SUPT3H: variants seen among roughly 807,000 people sequenced by gnomAD.
The protein encoded by SUPT3H is SPT3 homolog, SAGA and STAGA complex component.
A neutral mutation model predicts 44.3 loss-of-function variants in SUPT3H; 44 were observed. The observed-to-expected ratio is 0.99, with a 90% CI of 0.78 to 1.28. The LOEUF (loss-of-function observed/expected upper bound fraction) is 1.28, where lower values mean the gene tolerates loss of function less well. Among genes scored for constraint, SUPT3H ranks in the 50% most tolerant of loss-of-function variants. SUPT3H has a pLI of 0.00. For missense variants in SUPT3H, 380 were observed against 387.1 expected (o/e 0.98, Z 0.15); for synonymous variants, 124 against 125.6 (o/e 0.99, Z 0.09).
In SUPT3H at chr6:45,305,986, T is replaced by C. The variant is rs114821689; in HGVS notation, c.101+59215A>G. Among the ~76,000 whole-genome samples the C allele has an allele frequency of 5.3e-3, 806 of 152,374 alleles. 4 individuals are homozygous for C. Among genetic ancestry groups the C allele is most frequent in the Non-Finnish European group, 7.2e-3 (489 of 68,038 alleles). ...ACCTAGGAGCCTCTCTAATTCTGCA[T>C]ATACCTGTACTCCCAATTCTCATCT... is the stretch of plus-strand genomic sequence containing the variant. On this transcript the variant is annotated intron_variant, in intron 2 of 10. Coordinates refer to ENST00000371459, the MANE Select transcript of SUPT3H (RefSeq NM_003599.4).
intron 2 of SUPT3H, among the ~76,000 whole-genome samples, chr6:45,286,200 T>A (rs1779231454): frequency 6.6e-6 from 1 of 151,354 alleles, no homozygotes; most frequent in African/African-American, 2.4e-5. Flanking sequence ...GGACTTCATG[T>A]CTAAAACACC....
At chr6:45,329,250 T>C (rs114414163) in intron 2 of SUPT3H, among the ~76,000 whole-genome samples, 2,659 of 152,074 alleles carry the variant, frequency 0.017, 50 homozygotes, top group South Asian at 0.085. Context: ...CTACCATGTA[T>C]AACACAGAAA....
intron 2 of SUPT3H, among the ~76,000 whole-genome samples, chr6:45,320,031 GGGTGACACAATATAAT>G (rs1161708200): frequency 6.6e-6 from 1 of 152,008 alleles, no homozygotes; most frequent in Non-Finnish European, 1.5e-5. Context: ...AAGGACTTTA[GGGTGACACAATATAAT>G]GATTATATGA....
intron 9 of SUPT3H, among the ~76,000 whole-genome samples, chr6:44,951,168 TATC>T (rs1379513929): frequency 6.6e-6 from 1 of 151,958 alleles, no homozygotes; most frequent in Non-Finnish European, 1.5e-5. Context: ...ACTTCTACCT[TATC>T]ATAGTCCTAT....
At chr6:45,322,814 T>G in intron 2 of SUPT3H, 4 of 1,317,586 alleles carry the variant, frequency 3.0e-6, no homozygotes, top group East Asian at 2.3e-5. Flanking sequence ...TTTGGCAAGA[T>G]GCACTTTCTC....
At chr6:45,135,927 C>T (rs1237672487) in intron 2 of SUPT3H, among the ~76,000 whole-genome samples, 2 of 152,164 alleles carry the variant, frequency 1.3e-5, no homozygotes, top group African/African-American at 4.8e-5. Context: ...TCAATGTGAT[C>T]GCTAATTATC....
At chr6:45,085,231 T>C (rs952284664) in intron 3 of SUPT3H, among the ~76,000 whole-genome samples, 1 of 152,216 alleles carries the variant, frequency 6.6e-6, no homozygotes. Flanking sequence ...AAATTTTTTC[T>C]GTCCTGTCTC....
chr6:45,069,050 G>A (rs866583532), intron 3 of SUPT3H, among the ~76,000 whole-genome samples: 31 of 151,898 alleles, frequency 2.0e-4, no homozygotes, highest in African/African-American at 5.3e-4. Flanking sequence ...GATTCCTAGT[G>A]TACTTTACAA....
intron 3 of SUPT3H, among the ~76,000 whole-genome samples, chr6:45,055,453 A>G (rs1489207391): frequency 6.6e-6 from 1 of 152,208 alleles, no homozygotes; most frequent in Non-Finnish European, 1.5e-5. Context: ...TCACCAAAAC[A>G]GCAGGGTACT....
chr6:44,922,858 CTTAGT>C (rs1224434873), intron 10 of SUPT3H, among the ~76,000 whole-genome samples: 1 of 152,112 alleles, frequency 6.6e-6, no homozygotes, highest in African/African-American at 2.4e-5. Flanking sequence ...AATAGCTCAA[CTTAGT>C]TTAGTTTCTC....
chr6:44,887,686 C>A (rs1285857945), intron 10 of SUPT3H, among the ~76,000 whole-genome samples: 2 of 151,192 alleles, frequency 1.3e-5, no homozygotes, highest in Non-Finnish European at 2.9e-5. Flanking sequence ...AAAATTGACA[C>A]CCTAACATCA....
intron 3 of SUPT3H, among the ~76,000 whole-genome samples, chr6:45,028,896 CAAAAAAAAAAA>C (rs57234806): frequency 1.1e-3 from 77 of 71,046 alleles, no homozygotes; most frequent in African/African-American, 4.1e-3. Context: ...AAACAGTTGC[CAAAAAAAAAAA>C]AAAAAAAAAA....
At chr6:45,282,108 C>G (rs565777577) in intron 2 of SUPT3H, among the ~76,000 whole-genome samples, 7 of 152,162 alleles carry the variant, frequency 4.6e-5, no homozygotes, top group Middle Eastern at 3.4e-3. Context: ...CATCAAAGAC[C>G]AAAGGTAGAT....
At chr6:45,155,836 C>T (rs1240318269) in intron 2 of SUPT3H, among the ~76,000 whole-genome samples, 4 of 152,106 alleles carry the variant, frequency 2.6e-5, no homozygotes, top group African/African-American at 9.7e-5. Context: ...TAACTTGAAG[C>T]TACTATGAAG....
chr6:44,988,475 G>A (rs1409141226), intron 6 of SUPT3H, among the ~76,000 whole-genome samples: 1 of 131,194 alleles, frequency 7.6e-6, no homozygotes, highest in African/African-American at 2.9e-5. Context: ...AGGCCAAAGG[G>A]CAATTCAAAA....
intron 2 of SUPT3H, among the ~76,000 whole-genome samples, chr6:45,110,198 A>G (rs1799843318): frequency 6.6e-6 from 1 of 152,206 alleles, no homozygotes; most frequent in South Asian, 2.1e-4. Flanking sequence ...GGCTTTATTC[A>G]ATCCTGGGAT....
At chr6:44,900,645 G>A (rs1443554921) in intron 10 of SUPT3H, among the ~76,000 whole-genome samples, 1 of 152,166 alleles carries the variant, frequency 6.6e-6, no homozygotes, top group Non-Finnish European at 1.5e-5. Flanking sequence ...AGACTTAAAT[G>A]CCCCTGTCTG....
At chr6:45,272,885 C>A (rs184790278) in intron 2 of SUPT3H, among the ~76,000 whole-genome samples, 72 of 152,352 alleles carry the variant, frequency 4.7e-4, no homozygotes, top group Non-Finnish European at 9.0e-4. Flanking sequence ...GACTTCTGCT[C>A]TTGACCAGTC....
chr6:44,943,265 G>T (rs1437735003), intron 9 of SUPT3H, among the ~76,000 whole-genome samples: 1 of 152,048 alleles, frequency 6.6e-6, no homozygotes, highest in East Asian at 1.9e-4. Flanking sequence ...TGTCACAATA[G>T]ATTGGAGTTG....
Sources: gnomAD v4.1 joint callset for allele counts (sites outside exome capture counted in the v4.1 genomes callset) on GRCh38, gnomAD v4.1.1 for gene constraint, MANE v1.5 for transcripts, NCBI Gene and HGNC (gene_info 2026-07-23, HGNC 2026-07-21) for gene names.